The following SLC4A7 variants were observed in gnomAD, a reference collection of about 807,000 sequenced individuals.
The protein encoded by SLC4A7 is sodium bicarbonate cotransporter 3.
Under a neutral mutation model 137.6 loss-of-function variants are expected in SLC4A7, and 51 were observed. That is an observed-to-expected ratio of 0.37 (90% CI 0.30 to 0.47). The LOEUF is 0.47. Ranked by LOEUF, SLC4A7 falls within the 20% of genes least tolerant of loss-of-function variation. The probability of loss-of-function intolerance (pLI) is 1.00; values close to 1 mark genes in which losing one functional copy is unlikely to be tolerated. For synonymous variants in SLC4A7, 542 were observed against 518.6 expected, an observed-to-expected ratio of 1.05 and a Z score of -0.61; for missense variants, 1,247 against 1,525.4, an observed-to-expected ratio of 0.82 and a Z score of 3.04.
At chr3:27,447,571 C>T (rs913011975) in intron 3 of SLC4A7, among the ~76,000 whole-genome samples, 5 of 150,778 alleles carry the variant, frequency 3.3e-5, no homozygotes, top group African/African-American at 1.2e-4. Flanking sequence ...TACAGATGGC[C>T]TTATACTAAT....
At chr3:27,412,039 T>C (rs9859958) in intron 11 of SLC4A7, among the ~76,000 whole-genome samples, 5,300 of 152,222 alleles carry the variant, frequency 0.035, 107 homozygotes, top group East Asian at 0.066. Context: ...CAAATTCCTA[T>C]TCACCAATAG....
At chr3:27,409,210 T>C in intron 13 of SLC4A7, 146 bp downstream of exon 13, 1 of 575,680 alleles carries the variant, frequency 1.7e-6, no homozygotes. Context: ...CCACAGCAAT[T>C]ACCTTTGGGG....
intron 1 of SLC4A7, among the ~76,000 whole-genome samples, chr3:27,463,723 A>G (rs1429801323): frequency 1.3e-5 from 2 of 151,862 alleles, no homozygotes; most frequent in Non-Finnish European, 2.9e-5. Context: ...TCCTGTTCCC[A>G]TTTGCAGCGG....
intron 5 of SLC4A7, among the ~76,000 whole-genome samples, chr3:27,435,846 C>T (rs66694067): frequency 0.18 from 27,479 of 151,724 alleles, 2,902 homozygotes; most frequent in Non-Finnish European, 0.25. Context: ...CCCTGTGATC[C>T]CCCCCTTAAA....
rs1004680405 is a variant in SLC4A7 at position 27,374,192 on chromosome 3, G to A, written c.*2572C>T. ...AGATATCTATAAATAAATAAACTAG[G>A]GTGGAGAAAAGAATATCCTGAGGTG... On this transcript the variant is annotated 3_prime_UTR_variant, in exon 26 of 26. Transcript: ENST00000454389. The A allele has an allele frequency of 5.2e-5, 8 of 152,382 alleles. No homozygotes were observed. Among genetic ancestry groups the A allele is most frequent in the Non-Finnish European group, 1.2e-4 (8 of 67,912 alleles). The allele number at this position is 152,382 out of a possible 1,614,324, so 9.4% of individuals were successfully genotyped here.
intron 21 of SLC4A7, among the ~76,000 whole-genome samples, chr3:27,391,510 T>A (rs937810151): frequency 1.3e-5 from 2 of 152,162 alleles, no homozygotes; most frequent in Admixed American, 1.3e-4. Context: ...TTCATTGGCT[T>A]CAATTAAAAA....
At chr3:27,441,186 A>G (rs1045418226) in intron 3 of SLC4A7, among the ~76,000 whole-genome samples, 3 of 152,194 alleles carry the variant, frequency 2.0e-5, no homozygotes, top group Non-Finnish European at 4.4e-5. Flanking sequence ...CCCATGATAT[A>G]TTATCCTTTT....
At position 27,420,919 on chromosome 3, in the gene SLC4A7, C is replaced by A. The variant is rs144508477; in HGVS notation, c.1425-132G>T. 1,156 of 543,482 alleles carry A rather than the reference C, an allele frequency of 2.1e-3. 3 individuals are homozygous for A. The highest frequency in any genetic ancestry group is 3.8e-3 in the Middle Eastern group (8 of 2,094). 33.7% of individuals were successfully genotyped at this position (543,482 alleles called of 1,614,324 possible). Reference sequence around the variant, plus strand: ...AGACATCTTTTCTACTCCCCCACACCAATCACTGAAAAAAGATGGCAACTC... The same window carrying A: ...AGACATCTTTTCTACTCCCCCACACAAATCACTGAAAAAAGATGGCAACTC... On this transcript the variant is annotated intron_variant, in intron 9 of 25. Transcript: ENST00000454389.
chr3:27,455,570 A>AT (rs780026916), intron 1 of SLC4A7, among the ~76,000 whole-genome samples: 44,190 of 125,292 alleles, frequency 0.35, 8,796 homozygotes, highest in East Asian at 0.72. Flanking sequence ...GCATAACTAA[A>AT]TTTTTTTTTT....
At chr3:27,428,763 T>C (rs1222651141) in intron 7 of SLC4A7, among the ~76,000 whole-genome samples, 2 of 152,208 alleles carry the variant, frequency 1.3e-5, no homozygotes, top group African/African-American at 4.8e-5. Context: ...ACTGAAGTGC[T>C]GGATGTTGTA....
In SLC4A7 at chr3:27,383,141, G is replaced by A; in HGVS notation, c.3590+12C>T. ...GCATATAAAAGTTTTAGAGCATAAA[G>A]TCATATCTCACCTATATTTTAGGGC... On this transcript the variant is annotated intron_variant, in intron 24 of 25. Transcript: ENST00000454389. The A allele has an allele frequency of 6.5e-7, 1 of 1,535,004 alleles. No individual in the cohort carries two copies. The highest frequency in any genetic ancestry group is 9.0e-7 in the Non-Finnish European group (1 of 1,110,310).
At chr3:27,395,789 T>C (rs2052090122) in intron 18 of SLC4A7, among the ~76,000 whole-genome samples, 1 of 152,226 alleles carries the variant, frequency 6.6e-6, no homozygotes, top group African/African-American at 2.4e-5. Flanking sequence ...AACTGGAATG[T>C]CATTTCCACA....
chr3:27,483,874 T>C (rs2059828282), intron 1 of SLC4A7, among the ~76,000 whole-genome samples, 193 bp downstream of exon 1: 1 of 150,580 alleles, frequency 6.6e-6, no homozygotes, highest in Admixed American at 6.6e-5. Context: ...GCGCAGCCGC[T>C]GGCCCCCTCC....
At chr3:27,465,359 A>G (rs889653139) in intron 1 of SLC4A7, among the ~76,000 whole-genome samples, 1 of 151,884 alleles carries the variant, frequency 6.6e-6, no homozygotes, top group African/African-American at 2.4e-5. Context: ...AACTTTAATA[A>G]AAAAGCAAGT....
intron 10 of SLC4A7, 98 bp downstream of exon 10, chr3:27,420,602 G>T: frequency 1.4e-6 from 1 of 713,658 alleles, no homozygotes; most frequent in East Asian, 3.0e-5. Context: ...AAAAGTTTTA[G>T]AGCTTCACTA....
At chr3:27,469,782 ATAAT>A (rs1203620548) in intron 1 of SLC4A7, among the ~76,000 whole-genome samples, 1 of 152,194 alleles carries the variant, frequency 6.6e-6, no homozygotes, top group Non-Finnish European at 1.5e-5. Context: ...AACAATAATA[ATAAT>A]TAAAGCCATT....
chr3:27,484,281 G>A lies in SLC4A7; in HGVS notation c.-155C>T. 2.0e-6 allele frequency: 1 copy of A among 498,446 alleles called. No individual in the cohort carries two copies. The highest frequency in any genetic ancestry group is 3.0e-6 in the Non-Finnish European group (1 of 328,656). 30.9% of individuals were successfully genotyped at this position (498,446 alleles called of 1,614,324 possible). On this transcript the variant is annotated 5_prime_UTR_variant, in exon 1 of 26. Transcript: ENST00000454389. ...AGGTGTGCGCGCGTGGGGAGAGCCGGGCGCCGGGCGCGGGAGACGCGGGGC... is the reference window on the plus strand; with the variant it reads ...AGGTGTGCGCGCGTGGGGAGAGCCGAGCGCCGGGCGCGGGAGACGCGGGGC...
At chr3:27,426,131 A>G (rs2055589172) in intron 7 of SLC4A7, among the ~76,000 whole-genome samples, 2 of 152,260 alleles carry the variant, frequency 1.3e-5, no homozygotes, top group African/African-American at 4.8e-5. Flanking sequence ...GCTTTATGAC[A>G]GAGACTGCTG....
chr3:27,439,915 T>G (rs2057055841), intron 3 of SLC4A7, among the ~76,000 whole-genome samples: 2 of 152,236 alleles, frequency 1.3e-5, no homozygotes, highest in Non-Finnish European at 1.5e-5. Flanking sequence ...TATTCTTAGT[T>G]TGCAGAGAGT....
Sources: gnomAD v4.1 joint callset for allele counts (sites outside exome capture counted in the v4.1 genomes callset) on GRCh38, gnomAD v4.1.1 for gene constraint, MANE v1.5 for transcripts, NCBI Gene and HGNC (gene_info 2026-07-23, HGNC 2026-07-21) for gene names.